The following KPNA7 variants were observed in gnomAD, a reference collection of about 807,000 sequenced individuals.
The protein encoded by KPNA7 is importin subunit alpha-8.
In KPNA7, 54 loss-of-function variants were observed where a neutral mutation model predicts 53.7. That is an observed-to-expected ratio of 1.01 (90% confidence interval 0.81 to 1.26). The LOEUF (loss-of-function observed/expected upper bound fraction) is 1.26. Among genes scored for constraint, KPNA7 ranks in the 50% most tolerant of loss-of-function variants. The pLI, the probability that KPNA7 is intolerant of heterozygous loss-of-function variation, is 0.00. For missense variants in KPNA7, 640 were observed against 644.5 expected (o/e 0.99, Z 0.07); for synonymous variants, 276 against 259.3 (o/e 1.06, Z -0.62).
At chr7:99,193,744 C>A (rs935720575) in intron 5 of KPNA7, among the ~76,000 whole-genome samples, 5 of 151,770 alleles carry the variant, frequency 3.3e-5, no homozygotes, top group African/African-American at 1.2e-4. Context: ...GTGGTGCAAT[C>A]ATAGCTCACT....
chr7:99,171,338 C>A (rs982904477), downstream of KPNA7, among the ~76,000 whole-genome samples: 1 of 152,228 alleles, frequency 6.6e-6, no homozygotes, highest in Non-Finnish European at 1.5e-5. Context: ...CAGTGGCTCA[C>A]GCCTGTAATC....
At chr7:99,191,512 C>CA (rs1789952393) in intron 6 of KPNA7, among the ~76,000 whole-genome samples, 1 of 152,138 alleles carries the variant, frequency 6.6e-6, no homozygotes, top group Non-Finnish European at 1.5e-5. Context: ...TCCCTTGCCT[C>CA]AAAATCCTCC....
At chr7:99,150,976 C>T in the KPNA7 span, among the ~76,000 whole-genome samples, 1 of 152,126 alleles carries the variant, frequency 6.6e-6, no homozygotes, top group African/African-American at 2.4e-5. Flanking sequence ...ACAAAGATTC[C>T]CCTACTACCA....
chr7:99,155,998 C>G, the KPNA7 span, among the ~76,000 whole-genome samples: 11 of 152,176 alleles, frequency 7.2e-5, no homozygotes, highest in African/African-American at 2.4e-4. Context: ...CTGGAGCTCG[C>G]TGCCTGTCTG....
chr7:99,154,278 GCCA>G, the KPNA7 span, among the ~76,000 whole-genome samples: 2 of 151,652 alleles, frequency 1.3e-5, no homozygotes, highest in Admixed American at 1.3e-4. Flanking sequence ...ACAGGTGCCC[GCCA>G]CCACACCTGG....
the KPNA7 span, among the ~76,000 whole-genome samples, chr7:99,148,152 A>G: frequency 3.7e-4 from 57 of 152,342 alleles, 1 homozygote; most frequent in East Asian, 0.01. Flanking sequence ...CCTCGAAAAT[A>G]CAATCTTCTA....
chr7:99,172,224 G>T (rs1248090563), downstream of KPNA7, among the ~76,000 whole-genome samples: 1 of 152,192 alleles, frequency 6.6e-6, no homozygotes. Flanking sequence ...TGTAGCATGA[G>T]CATAATGTTT....
chr7:99,201,866 C>T (rs536822397), intron 3 of KPNA7, among the ~76,000 whole-genome samples: 2 of 151,744 alleles, frequency 1.3e-5, no homozygotes, highest in African/African-American at 4.8e-5. Context: ...CACTACCACA[C>T]CCGGCTAATT....
intron 9 of KPNA7, among the ~76,000 whole-genome samples, chr7:99,178,814 G>T (rs1001636759): frequency 1.7e-5 from 2 of 119,876 alleles, no homozygotes; most frequent in South Asian, 5.7e-4. Context: ...AAAGAGTCTC[G>T]CTCTATCGCC....
chr7:99,195,053 T>A lies in KPNA7; in HGVS notation c.553+17A>T. The A allele has an allele frequency of 6.5e-7, 1 of 1,549,858 alleles. No homozygotes were observed. Among genetic ancestry groups the A allele is most frequent in the Non-Finnish European group, 8.7e-7 (1 of 1,145,664 alleles). On this transcript the variant is annotated intron_variant, in intron 5 of 10. Coordinates refer to ENST00000327442, the MANE Select transcript of KPNA7 (RefSeq NM_001145715.3). ...ACCTGGCCCCGTTTTCTTAGCCCACTAAGGGGAGAGTCTCACCGGCTATAT... is the reference window on the plus strand; with the variant it reads ...ACCTGGCCCCGTTTTCTTAGCCCACAAAGGGGAGAGTCTCACCGGCTATAT...
chr7:99,161,247 C>A, the KPNA7 span, among the ~76,000 whole-genome samples: 1 of 12,748 alleles, frequency 7.8e-5, no homozygotes, highest in African/African-American at 1.2e-4. Context: ...CTCTCTCTCT[C>A]TCTCTCTCTC....
chr7:99,163,222 A>G, the KPNA7 span, among the ~76,000 whole-genome samples: 1 of 151,488 alleles, frequency 6.6e-6, no homozygotes, highest in Non-Finnish European at 1.5e-5. Flanking sequence ...TAGAAAAGAA[A>G]TGCAAACAAA....
At chr7:99,170,387 T>G (rs1204684182), downstream of KPNA7, among the ~76,000 whole-genome samples, 1 of 151,070 alleles carries the variant, frequency 6.6e-6, no homozygotes, top group Non-Finnish European at 1.5e-5. Context: ...GAAGAAGAGA[T>G]AAAGTAGAAT....
At position 99,197,020 on chromosome 7, in the gene KPNA7, A is replaced by AAACAACAACAACAAC. The variant is rs139221110; in HGVS notation, c.202-869_202-855dup. 2.0e-5 allele frequency among the ~76,000 whole-genome samples: 3 copies of AAACAACAACAACAAC among 150,914 alleles called. No homozygotes were observed. The East Asian group carries it at 5.8e-4, about 29-fold the overall frequency. On this transcript the variant is annotated intron_variant, in intron 3 of 10. Transcript: ENST00000327442. The stretch of plus-strand genomic sequence containing the variant: ...TGTATAGGGCTATGCATATGCTTAA[A>AAACAACAACAACAAC]AACAACAACAACAACAACAACAACA...
the KPNA7 span, among the ~76,000 whole-genome samples, chr7:99,147,000 G>A: frequency 1.3e-5 from 2 of 152,142 alleles, no homozygotes; most frequent in Admixed American, 1.3e-4. Flanking sequence ...GTCATAAACT[G>A]GGACCATTTG....
intron 8 of KPNA7, 44 bp from the exon 9 acceptor site, chr7:99,182,109 C>A: frequency 6.9e-7 from 1 of 1,445,656 alleles, no homozygotes; most frequent in Non-Finnish European, 9.3e-7. Context: ...TCCTCAAGAA[C>A]CTAAATAGAG....
In KPNA7 at chr7:99,188,551, G is replaced by A. The variant is rs746487289; in HGVS notation, c.649C>T (p.Arg217Trp). The change falls in exon 7 of 11, where the codon CGG becomes TGG. Residue 217 changes from arginine to tryptophan, a missense_variant. Transcript: ENST00000327442. ...TTCGACAAGGTCCACGTGATGTTCC[G>A]CAGAAATGTGATCTGTAACAAGGAG... ...ISPTLPITFLRNITWTLSNLC... is the reference protein window; with the variant it reads ...ISPTLPITFLWNITWTLSNLC... The A allele has an allele frequency of 1.5e-4, 237 of 1,551,184 alleles. 1 individual carries two copies. Among genetic ancestry groups the A allele is most frequent in the Non-Finnish European group, 1.8e-4 (210 of 1,146,660 alleles).
At chr7:99,151,458 GT>G in the KPNA7 span, among the ~76,000 whole-genome samples, 3 of 147,438 alleles carry the variant, frequency 2.0e-5, no homozygotes, top group African/African-American at 5.0e-5. Flanking sequence ...TTTGTTTTTG[GT>G]TTTTTTTTTG....
the KPNA7 span, among the ~76,000 whole-genome samples, chr7:99,157,828 G>A: frequency 6.6e-6 from 1 of 152,136 alleles, no homozygotes; most frequent in East Asian, 1.9e-4. Context: ...AGGCTGGAGT[G>A]CAGTGGTGTG....
Sources: allele counts gnomAD v4.1 joint callset (sites outside exome capture counted in the v4.1 genomes callset), GRCh38; gene constraint gnomAD v4.1.1; transcripts MANE v1.5; gene names NCBI Gene and HGNC (gene_info 2026-07-23, HGNC 2026-07-21).